The following TTN variants were observed in gnomAD, a reference collection of about 807,000 sequenced individuals.
TTN encodes the protein connectin.
A neutral mutation model predicts 3,223.0 loss-of-function variants in TTN; 1,525 were observed. The ratio of observed to expected loss-of-function variants is 0.47; its 90% CI spans 0.45 to 0.49. The LOEUF (loss-of-function observed/expected upper bound fraction) is 0.49. Ranked by LOEUF, TTN falls within the 20% of genes least tolerant of loss-of-function variation. The pLI, the probability that TTN is intolerant of heterozygous loss-of-function variation, is 0.00. For synonymous variants in TTN, 14,094 were observed against 15,161.0 expected, an observed-to-expected ratio of 0.93 and a Z score of 5.17; for missense variants, 40,786 against 43,424.0, an observed-to-expected ratio of 0.94 and a Z score of 5.40.
chr2:178,573,268 T>C lies in TTN; in HGVS notation c.72864A>G (p.Thr24288=), dbSNP rs879070035. 10 of 1,605,294 alleles carry C rather than the reference T, an allele frequency of 6.2e-6. No homozygotes were observed. Among genetic ancestry groups the C allele is most frequent in the Non-Finnish European group, 7.7e-6 (9 of 1,175,190 alleles). ...TDLRYKVSGL[T]EGHEYEFRIM... ...TCCTGAACTCATATTCATGTCCTTC[T>C]GTCAGTCCAGACACTTTATATCTTA... The change falls in exon 326 of 363, where the codon ACA becomes ACG. Residue 24288 remains threonine, a synonymous_variant. Coordinates refer to ENST00000589042, the MANE Select transcript of TTN (RefSeq NM_001267550.2).
At position 178,614,467 on chromosome 2, in the gene TTN, T is replaced by A. The variant is rs2056940904; in HGVS notation, c.49047A>T (p.Leu16349Phe). The A allele has an allele frequency of 6.2e-7, 1 of 1,601,046 alleles. No homozygotes were observed. The highest frequency in any genetic ancestry group is 1.3e-5 in the African/African-American group (1 of 74,266). Residue 16349 changes from leucine (L) to phenylalanine (F), a missense_variant and splice_region_variant, in exon 261 of 363, where the codon TTA becomes TTT. Leu to Phe is a conservative substitution (Grantham distance 22, BLOSUM62 0). Coordinates refer to ENST00000589042, the MANE Select transcript of TTN (RefSeq NM_001267550.2). ...TTTTAAAATGAGAACCTTCCTTACC[T>A]AAGACGTTCACTTCCACCACAGCAG... is the stretch of plus-strand genomic sequence containing the variant. ...RATAVVEVNV[L>F]DKPGPPAAFD...
intron 349 of TTN, 139 bp downstream of exon 349, chr2:178,542,125 T>A: frequency 1.1e-6 from 1 of 876,350 alleles, no homozygotes; most frequent in South Asian, 2.5e-5. Context: ...GAAAAGGAGG[T>A]TTAGAAACCT....
In TTN at chr2:178,695,994, A is replaced by T. The variant is rs1331585710; in HGVS notation, c.31078T>A (p.Trp10360Arg). Residue 10360 changes from tryptophan (W) to arginine (R), a missense_variant, in exon 114 of 363, where the codon TGG (tryptophan) becomes AGG (arginine). Transcript: ENST00000589042. The part of the protein sequence containing the change: ...VEAKKEVHEE[W>R]EEDFEEGQEY... Reference sequence around the variant, plus strand: ...TGCCCTTCTTCAAAATCTTCTTCCCATTCCTCGTGAACTTCTTTTTTAGCT... The same window carrying T: ...TGCCCTTCTTCAAAATCTTCTTCCCTTTCCTCGTGAACTTCTTTTTTAGCT... 1 of 1,547,262 alleles carries T rather than the reference A, an allele frequency of 6.5e-7. No individual in the cohort carries two copies. Among genetic ancestry groups the T allele is most frequent in the Non-Finnish European group, 8.7e-7 (1 of 1,145,570 alleles).
intron 156 of TTN, 62 bp from the exon 157 acceptor site, chr2:178,670,357 G>T (rs1389409085): frequency 1.0e-6 from 1 of 983,224 alleles, no homozygotes; most frequent in Admixed American, 3.8e-5. Context: ...AACAAGCAGA[G>T]CATGAGAGAT....
Position 178,722,689 on chromosome 2 carries a change from C to A in TTN, c.22210G>T (p.Ala7404Ser). The A allele has an allele frequency of 6.2e-7, 1 of 1,612,550 alleles. No individual in the cohort carries two copies. Among genetic ancestry groups the A allele is most frequent in the East Asian group, 2.2e-5 (1 of 44,788 alleles). The change falls in exon 76 of 363, where the codon GCT (alanine) becomes TCT (serine). Residue 7404 changes from alanine (A) to serine (S), a missense_variant. Transcript: ENST00000589042. Reference sequence around the variant, plus strand: ...ATTCTGAACACAGTCTTAGAAGAAGCAGTTCCTATACTATTTTCTGCTTTG... The same window carrying A: ...ATTCTGAACACAGTCTTAGAAGAAGAAGTTCCTATACTATTTTCTGCTTTG... ...TCKAENSIGT[A>S]SSKTVFRIQE...
At position 178,561,155 on chromosome 2, in the gene TTN, C is replaced by T. The variant is rs200843338; in HGVS notation, c.84977G>A (p.Arg28326Gln). 2.0e-4 allele frequency: 323 copies of T among 1,613,650 alleles called. No individual in the cohort carries two copies. The highest frequency in any genetic ancestry group is 7.0e-4 in the Admixed American group (42 of 59,992). ...ELTEDQRYEF[R>Q]VFARNAADSV... ...GTCAGCAGCATTCCTTGCAAAAACC[C>T]GGAATTCATAACGCTGATCTTCAGT... Residue 28326 changes from arginine (R) to glutamine (Q), a missense_variant, in exon 326 of 363, where the codon CGG (arginine) becomes CAG (glutamine). Physicochemically the swap from Arg to Gln is conservative, Grantham distance 43. Coordinates refer to ENST00000589042, the MANE Select transcript of TTN (RefSeq NM_001267550.2).
chr2:178,713,817 G>T (rs1249613544), intron 92 of TTN, 80 bp downstream of exon 92: 3 of 1,511,706 alleles, frequency 2.0e-6, no homozygotes, highest in Non-Finnish European at 2.7e-6. Flanking sequence ...TATAGAAGAT[G>T]TAACAACCCA....
intron 47 of TTN, chr2:178,752,013 G>A (rs901823307): frequency 5.0e-6 from 8 of 1,584,200 alleles, no homozygotes; most frequent in Non-Finnish European, 6.0e-6. Context: ...CTTTCTGAAT[G>A]TTCAGATTCC....
At position 178,526,982 on chromosome 2, in the gene TTN, T is replaced by C; in HGVS notation, c.*30A>G. ...TGAAACGTTTGCGAAAAGTTAAGAA[T>C]GAGTGTAGAGTATAAGGGCACAGGC... On this transcript the variant is annotated 3_prime_UTR_variant, in exon 363 of 363. Transcript: ENST00000589042. 1 of 1,527,498 alleles carries C rather than the reference T, an allele frequency of 6.5e-7. No homozygotes were observed. Among genetic ancestry groups the C allele is most frequent in the South Asian group, 1.3e-5 (1 of 74,852 alleles). The allele number at this position is 1,527,498 out of a possible 1,614,324, so 94.6% of individuals were successfully genotyped here.
In TTN at chr2:178,792,133, T is replaced by C; in HGVS notation, c.1601A>G (p.Glu534Gly). Residue 534 changes from glutamate (E) to glycine (G), a missense_variant, in exon 10 of 363, where the codon GAA (glutamate) becomes GGA (glycine). Physicochemically the swap from Glu to Gly is moderately conservative, Grantham distance 98. Coordinates refer to ENST00000589042, the MANE Select transcript of TTN (RefSeq NM_001267550.2). ...KVVISAAKAK[E>G]QETRISEEIT... is the part of the protein sequence containing the mutation. The stretch of plus-strand genomic sequence containing the variant: ...TTCTTCAGAAATTCTAGTTTCTTGT[T>C]CTTTGGCTTTAGCTGCGGAAATTAC... 1 of 1,612,654 alleles carries C rather than the reference T, an allele frequency of 6.2e-7. No homozygotes were observed. Among genetic ancestry groups the C allele is most frequent in the South Asian group, 1.1e-5 (1 of 90,776 alleles).
Position 178,710,926 on chromosome 2 carries a change from ATAG to A in TTN, c.28175-7_28175-5del, listed in dbSNP as rs966771948. The A allele has an allele frequency of 3.1e-6, 5 of 1,607,396 alleles. No homozygotes were observed. The highest frequency in any genetic ancestry group is 4.3e-6 in the Non-Finnish European group (5 of 1,175,476). On this transcript the variant is annotated splice_polypyrimidine_tract_variant and splice_region_variant and intron_variant, in intron 97 of 362. Transcript: ENST00000589042. ...AAGAAGGGTGGGTTCTTCCCCTCTAATAGTAGAGCAGAAAGACAAGGTTTCAGG... is the reference window on the plus strand; with the variant it reads ...AAGAAGGGTGGGTTCTTCCCCTCTAATAGAGCAGAAAGACAAGGTTTCAGG...
intron 75 of TTN, 31 bp downstream of exon 75, chr2:178,723,009 GAATGCA>G (rs2078685040): frequency 6.2e-7 from 1 of 1,604,154 alleles, no homozygotes; most frequent in Non-Finnish European, 8.5e-7. Context: ...CATGTTAGAA[GAATGCA>G]AATGATTTAA....
intron 219 of TTN, among the ~76,000 whole-genome samples, chr2:178,641,910 A>C (rs2061286925): frequency 6.6e-6 from 1 of 151,900 alleles, no homozygotes; most frequent in South Asian, 2.1e-4. Context: ...TAAGGTATTT[A>C]ATAGGTTTAG....
rs1387581169 is a variant in TTN, at chr2:178,569,814, A to G, written c.76318T>C (p.Tyr25440His). 2 of 1,613,320 alleles carry G rather than the reference A, an allele frequency of 1.2e-6. No homozygotes were observed. Among genetic ancestry groups the G allele is most frequent in the East Asian group, 4.5e-5 (2 of 44,824 alleles). ...CTCACATCACATTTTTCAACAATGT[A>G]TCCTTGAATTTCACAGCCACCATCA... Reference protein sequence around the residue: ...IYDGGCEIQGYIVEKCDVSVG... With the variant: ...IYDGGCEIQGHIVEKCDVSVG... Residue 25440 changes from tyrosine to histidine, a missense_variant, in exon 326 of 363, where the codon TAC (tyrosine) becomes CAC (histidine). Transcript: ENST00000589042.
In TTN at chr2:178,587,939, A is replaced by G. The variant is rs1261029519; in HGVS notation, c.63468T>C (p.Pro21156=). ...CAQNQVGIGR[P]AELKEAIKPK... Reference sequence around the variant, plus strand: ...GTTTGATAGCTTCCTTTAGCTCTGCAGGGCGCCCAATACCAACTTGGTTTT... The same window carrying G: ...GTTTGATAGCTTCCTTTAGCTCTGCGGGGCGCCCAATACCAACTTGGTTTT... The change falls in exon 305 of 363, where the codon CCT becomes CCC. Residue 21156 remains proline, a synonymous_variant. Transcript: ENST00000589042. 1.9e-6 allele frequency: 3 copies of G among 1,607,422 alleles called. No individual in the cohort carries two copies. The highest frequency in any genetic ancestry group is 1.3e-5 in the African/African-American group (1 of 74,804).
In TTN at chr2:178,533,788, C is replaced by A; in HGVS notation, c.102827G>T (p.Arg34276Leu). 1 of 1,613,940 alleles carries A rather than the reference C, an allele frequency of 6.2e-7. No homozygotes were observed. Among genetic ancestry groups the A allele is most frequent in the Non-Finnish European group, 8.5e-7 (1 of 1,179,866 alleles). The change falls in exon 358 of 363, where the codon CGG becomes CTG. Residue 34276 changes from arginine to leucine, a missense_variant. By Grantham distance (102) the Arg-to-Leu change is moderately radical. Coordinates refer to ENST00000589042, the MANE Select transcript of TTN (RefSeq NM_001267550.2). The stretch of plus-strand genomic sequence containing the variant: ...GTGGACAGTTATAGTTACTCCAAAC[C>A]GGACATTTTCACCTACATAAGCTGT... ...NKTAYVGENV[R>L]FGVTITVHPE...
chr2:178,793,287 T>A (rs2093607523), intron 9 of TTN, 117 bp downstream of exon 9: 3 of 1,437,588 alleles, frequency 2.1e-6, no homozygotes, highest in Non-Finnish European at 2.8e-6. Flanking sequence ...AAGGGGATCT[T>A]ATTAGTATGC....
chr2:178,757,975 T>C, intron 44 of TTN, 59 bp from the exon 45 acceptor site: 1 of 1,484,104 alleles, frequency 6.7e-7, no homozygotes, highest in Admixed American at 2.3e-5. Flanking sequence ...AGAACTCATT[T>C]GGAGTTGTCT....
Position 178,563,607 on chromosome 2 carries a change from G to T in TTN, c.82525C>A (p.Arg27509=). 1 of 1,613,690 alleles carries T rather than the reference G, an allele frequency of 6.2e-7. No individual in the cohort carries two copies. Among genetic ancestry groups the T allele is most frequent in the South Asian group, 1.1e-5 (1 of 91,084 alleles). ...TEIEGYILEK[R]DKEGVRWTKC... is the part of the protein sequence containing the mutation. ...GTCCATCTAACGCCTTCCTTATCTC[G>T]TTTTTCAAGAATGTAGCCCTCAATT... Residue 27509 remains arginine, a synonymous_variant, in exon 326 of 363, where the codon CGA becomes AGA. Transcript: ENST00000589042. This position sits in a 1 kb window ranked among gnomAD's most constrained non-coding sequence, Gnocchi z 4.5.
Sources: gnomAD v4.1 joint callset for allele counts (sites outside exome capture counted in the v4.1 genomes callset) on GRCh38, gnomAD v4.1.1 for gene constraint, Gnocchi (gnomAD v3.1) non-coding constraint, MANE v1.5 for transcripts, NCBI Gene and HGNC (gene_info 2026-07-23, HGNC 2026-07-21) for gene names.